Variants in IL15RA observed in about 807,000 individuals in gnomAD.
IL15RA encodes interleukin-15 receptor subunit alpha.
IL15RA carries 26 observed loss-of-function variants against 24.2 expected under a neutral mutation model. The observed-to-expected ratio is 1.07, with a 90% CI of 0.79 to 1.49. IL15RA has a LOEUF of 1.49. Among genes scored for constraint, IL15RA ranks in the 40% most tolerant of loss-of-function variants. The probability of loss-of-function intolerance (pLI) is 0.00; values close to 1 mark genes in which losing one functional copy is unlikely to be tolerated. For missense variants in IL15RA, 354 were observed against 356.4 expected (o/e 0.99, Z 0.05); for synonymous variants, 166 against 157.6 (o/e 1.05, Z -0.40).
chr10:5,963,935 G>A lies in IL15RA; in HGVS notation c.284-94C>T. The stretch of plus-strand genomic sequence containing the variant: ...ATACAAATAAAATATATCAACACAT[G>A]AACTTACAGTGGAGGCCTCTGGCTT... On this transcript the variant is annotated intron_variant, in intron 2 of 6. Coordinates refer to ENST00000379977, the MANE Select transcript of IL15RA (RefSeq NM_002189.4). The surrounding 1 kb of genome is among the most constrained non-coding windows in gnomAD (Gnocchi z 5.3). The A allele has an allele frequency of 1.3e-6, 1 of 747,632 alleles. No homozygotes were observed. Among genetic ancestry groups the A allele is most frequent in the Non-Finnish European group, 2.1e-6 (1 of 466,894 alleles). 46.3% of individuals were successfully genotyped at this position (747,632 alleles called of 1,614,324 possible). A position where few individuals can be genotyped will look rare whatever the true frequency, so the allele number is the denominator to read the frequency against.
At position 5,952,920 on chromosome 10, in the gene IL15RA, G is replaced by A. The variant is rs1589148472; in HGVS notation, c.*175C>T. ...GTGCCCATGGGAATGCGGAGAACCTGCTCCCTCGCGCAGGAGGCGCCGACC... is the reference window on the plus strand; with the variant it reads ...GTGCCCATGGGAATGCGGAGAACCTACTCCCTCGCGCAGGAGGCGCCGACC... On this transcript the variant is annotated 3_prime_UTR_variant, in exon 7 of 7. Coordinates refer to ENST00000379977, the MANE Select transcript of IL15RA (RefSeq NM_002189.4). 2 of 619,708 alleles carry A rather than the reference G, an allele frequency of 3.2e-6. No individual in the cohort carries two copies. Among genetic ancestry groups the A allele is most frequent in the Non-Finnish European group, 5.8e-6 (2 of 346,194 alleles). 38.4% of individuals were successfully genotyped at this position (619,708 alleles called of 1,614,324 possible).
In IL15RA at chr10:5,967,044, AG is replaced by A. The variant is rs1163724049; in HGVS notation, c.89-706del. The stretch of plus-strand genomic sequence containing the variant: ...GATTACAGGTGTGAGCCACCATGCC[AG>A]GCCCTGAATTTCTATTCTAATAGTT... On this transcript the variant is annotated intron_variant, in intron 1 of 6. Coordinates refer to ENST00000379977, the MANE Select transcript of IL15RA (RefSeq NM_002189.4). This position sits in a 1 kb window ranked among gnomAD's most constrained non-coding sequence, Gnocchi z 4.4. 6.7e-6 allele frequency among the ~76,000 whole-genome samples: 1 copy of A among 150,174 alleles called. No homozygotes were observed. The highest frequency in any genetic ancestry group is 1.5e-5 in the Non-Finnish European group (1 of 67,428).
rs1375854911 is a variant in IL15RA, at chr10:5,961,817, A to C, written c.383-1250T>G. ...GAGGCCAAGCGCTGTGGCTCTCTGG[A>C]CGCACTGTTGTTGCCGCGTTCCCAT... On this transcript the variant is annotated intron_variant, in intron 3 of 6. Coordinates refer to ENST00000379977, the MANE Select transcript of IL15RA (RefSeq NM_002189.4). This position sits in a 1 kb window ranked among gnomAD's most constrained non-coding sequence, Gnocchi z 5.2. 6.6e-6 allele frequency among the ~76,000 whole-genome samples: 1 copy of C among 152,194 alleles called. No individual in the cohort carries two copies. Among genetic ancestry groups the C allele is most frequent in the Non-Finnish European group, 1.5e-5 (1 of 68,028 alleles).
Position 5,962,548 on chromosome 10 carries a change from C to T in IL15RA, c.382+1195G>A, listed in dbSNP as rs1458155655. Among the ~76,000 whole-genome samples, 1 of 150,464 alleles carries T rather than the reference C, an allele frequency of 6.6e-6. No individual in the cohort carries two copies. The highest frequency in any genetic ancestry group is 1.5e-5 in the Non-Finnish European group (1 of 67,770). On this transcript the variant is annotated intron_variant, in intron 3 of 6. Coordinates refer to ENST00000379977, the MANE Select transcript of IL15RA (RefSeq NM_002189.4). The surrounding 1 kb of genome is among the most constrained non-coding windows in gnomAD (Gnocchi z 5.2). ...CAGAGGTTGCAGTGAGCCAAGATTT[C>T]ACCTCTGCCCTCCAGACTGGGCAAT...
upstream of IL15RA, chr10:5,977,707 C>A (rs1838684840): frequency 2.5e-6 from 3 of 1,176,518 alleles, no homozygotes; most frequent in Admixed American, 4.2e-5. Flanking sequence ...CGCCGGCCGC[C>A]GCGGCACCGC....
rs906148320 is a variant in IL15RA at position 5,963,106 on chromosome 10, G to A, written c.382+637C>T. Reference sequence around the variant, plus strand: ...CATCTTGCAGACAGAGGAGCTGATGGCCCTTTCTCTGGACCATCCTCTCAA... The same window carrying A: ...CATCTTGCAGACAGAGGAGCTGATGACCCTTTCTCTGGACCATCCTCTCAA... On this transcript the variant is annotated intron_variant, in intron 3 of 6. Transcript: ENST00000379977. This position sits in a 1 kb window ranked among gnomAD's most constrained non-coding sequence, Gnocchi z 5.3. 6.6e-6 allele frequency among the ~76,000 whole-genome samples: 1 copy of A among 152,210 alleles called. No individual in the cohort carries two copies. Among genetic ancestry groups the A allele is most frequent in the African/African-American group, 2.4e-5 (1 of 41,460 alleles).
rs566891770 is a variant in IL15RA at position 5,959,170 on chromosome 10, CTT to C, written c.616+582_616+583del. On this transcript the variant is annotated intron_variant, in intron 5 of 6. Transcript: ENST00000379977. This position sits in a 1 kb window ranked among gnomAD's most constrained non-coding sequence, Gnocchi z 4.1. ...GTTAACTTTTTTTCTTTTTCTTTTT[CTT>C]TTTTTTTTTTTTTAATAGAGATGGG... 8.0e-5 allele frequency among the ~76,000 whole-genome samples: 11 copies of C among 138,184 alleles called. No individual in the cohort carries two copies. The highest frequency in any genetic ancestry group is 7.2e-5 in the Admixed American group (1 of 13,806). The allele number at this position is 138,184 out of a possible 152,430, so 90.7% of individuals were successfully genotyped here.
chr10:5,972,803 A>C (rs1050208759), intron 1 of IL15RA, among the ~76,000 whole-genome samples: 1 of 152,196 alleles, frequency 6.6e-6, no homozygotes, highest in Non-Finnish European at 1.5e-5. Flanking sequence ...GTTGATTTTG[A>C]CAAATCTCAT....
chr10:5,958,296 T>C lies in IL15RA; in HGVS notation c.616+1458A>G, dbSNP rs17320853. 0.17 allele frequency: 76,548 copies of C among 453,194 alleles called. 7,029 individuals carry two copies. Among genetic ancestry groups the C allele is most frequent in the Non-Finnish European group, 0.2 (44,259 of 225,086 alleles). The allele number at this position is 453,194 out of a possible 1,614,324, so 28.1% of individuals were successfully genotyped here. A position where few individuals can be genotyped will look rare whatever the true frequency, so the allele number is the denominator to read the frequency against. ...ATTCCTTATCCTCTATATGTTTATT[T>C]ATACAGTCTCTCTGGAAGGATGCCT... On this transcript the variant is annotated intron_variant, in intron 5 of 6. Transcript: ENST00000379977. The surrounding 1 kb of genome is among the most constrained non-coding windows in gnomAD (Gnocchi z 4.3).
rs2132500843 is a variant in IL15RA at position 5,965,323 on chromosome 10, C to T, written c.283+822G>A. Among the ~76,000 whole-genome samples, 1 of 152,358 alleles carries T rather than the reference C, an allele frequency of 6.6e-6. No individual in the cohort carries two copies. Among genetic ancestry groups the T allele is most frequent in the East Asian group, 1.9e-4 (1 of 5,190 alleles). Reference sequence around the variant, plus strand: ...GGGCAGCCCTGCTCCAGGGCCTGTGCCCATCCCCGGGGCTGGGTACTGAGA... The same window carrying T: ...GGGCAGCCCTGCTCCAGGGCCTGTGTCCATCCCCGGGGCTGGGTACTGAGA... On this transcript the variant is annotated intron_variant, in intron 2 of 6. Coordinates refer to ENST00000379977, the MANE Select transcript of IL15RA (RefSeq NM_002189.4). The surrounding 1 kb of genome is among the most constrained non-coding windows in gnomAD (Gnocchi z 5.8).
In IL15RA at chr10:5,963,708, A is replaced by G; in HGVS notation, c.382+35T>C. ...AGCGGGCCTCTGGGTGTTGGGAGGG[A>G]ATGAATGTCCTCGAGAAGTTTCTGA... On this transcript the variant is annotated intron_variant, in intron 3 of 6. Coordinates refer to ENST00000379977, the MANE Select transcript of IL15RA (RefSeq NM_002189.4). The surrounding 1 kb of genome is among the most constrained non-coding windows in gnomAD (Gnocchi z 5.3). 1 of 1,375,362 alleles carries G rather than the reference A, an allele frequency of 7.3e-7. No individual in the cohort carries two copies. Among genetic ancestry groups the G allele is most frequent in the Non-Finnish European group, 9.8e-7 (1 of 1,022,930 alleles). 85.2% of individuals were successfully genotyped at this position (1,375,362 alleles called of 1,614,324 possible). A position where few individuals can be genotyped will look rare whatever the true frequency, so the allele number is the denominator to read the frequency against.
rs369432930 is a variant in IL15RA at position 5,970,533 on chromosome 10, G to C, written c.89-4194C>G. On this transcript the variant is annotated intron_variant, in intron 1 of 6. Transcript: ENST00000379977. The surrounding 1 kb of genome is among the most constrained non-coding windows in gnomAD (Gnocchi z 4.1). ...TATCAGTGGTTCTTCCATTCTGAAC[G>C]GTCCTCAAACCAAGATAAATCTGTG... Among the ~76,000 whole-genome samples the C allele has an allele frequency of 6.6e-6, 1 of 151,914 alleles. No individual in the cohort carries two copies. The highest frequency in any genetic ancestry group is 1.5e-5 in the Non-Finnish European group (1 of 67,990).
At chr10:5,951,951 C>T (rs375903649), downstream of IL15RA, among the ~76,000 whole-genome samples, 20 of 152,268 alleles carry the variant, frequency 1.3e-4, no homozygotes, top group African/African-American at 3.6e-4. Context: ...TGAGTCACTG[C>T]GCCCAGTGTC....
rs529714452 is a variant in IL15RA at position 5,953,242 on chromosome 10, G to A, written c.693-36C>T. On this transcript the variant is annotated intron_variant, in intron 6 of 6. Transcript: ENST00000379977. The surrounding 1 kb of genome is among the most constrained non-coding windows in gnomAD (Gnocchi z 5.3). ...GGTGGTTCATAGGTTTTGAAAAGAG[G>A]AGGGGGTTGCCCTCAAATCAACAGA... is the stretch of plus-strand genomic sequence containing the variant. The A allele has an allele frequency of 2.2e-4, 332 of 1,493,500 alleles. 5 individuals carry two copies. In the South Asian group the frequency reaches 3.5e-3, roughly 16 times the overall value. 92.5% of individuals were successfully genotyped at this position (1,493,500 alleles called of 1,614,324 possible).
chr10:5,969,051 A>G, intron 1 of IL15RA: 2 of 1,290,024 alleles, frequency 1.6e-6, no homozygotes, highest in Non-Finnish European at 2.1e-6. Flanking sequence ...TGGCTGACTC[A>G]CCAATCGATT....
chr10:5,971,048 C>T lies in IL15RA; in HGVS notation c.89-4709G>A, dbSNP rs2095198550. Among the ~76,000 whole-genome samples the T allele has an allele frequency of 6.6e-6, 1 of 152,136 alleles. No individual in the cohort carries two copies. Among genetic ancestry groups the T allele is most frequent in the South Asian group, 2.1e-4 (1 of 4,826 alleles). ...GAAGCAATAACTTCATTTCCACATG[C>T]CTTAATCACATCTTTAGATACTTGA... On this transcript the variant is annotated intron_variant, in intron 1 of 6. Coordinates refer to ENST00000379977, the MANE Select transcript of IL15RA (RefSeq NM_002189.4). This position sits in a 1 kb window ranked among gnomAD's most constrained non-coding sequence, Gnocchi z 5.5.
rs8177651 is a variant in IL15RA at position 5,973,427 on chromosome 10, T to A, written c.88+3978A>T. ...TTTCAAATGACTTTTTAAAGTTTTTTAATTTCTAATTGTTCATTGTGAATG... is the reference window on the plus strand; with the variant it reads ...TTTCAAATGACTTTTTAAAGTTTTTAAATTTCTAATTGTTCATTGTGAATG... On this transcript the variant is annotated intron_variant, in intron 1 of 6. Coordinates refer to ENST00000379977, the MANE Select transcript of IL15RA (RefSeq NM_002189.4). The surrounding 1 kb of genome is among the most constrained non-coding windows in gnomAD (Gnocchi z 4.5). 0.31 allele frequency among the ~76,000 whole-genome samples: 46,700 copies of A among 151,856 alleles called. 7,345 individuals carry two copies. Among genetic ancestry groups the A allele is most frequent in the South Asian group, 0.4 (1,906 of 4,812 alleles).
chr10:5,961,308 G>A lies in IL15RA; in HGVS notation c.383-741C>T, dbSNP rs1317926935. Reference sequence around the variant, plus strand: ...AGTTCCAGCTATCTGAGAGGCTGAGGCAAGAGAATCACCTTAGCCTAGGAG... The same window carrying A: ...AGTTCCAGCTATCTGAGAGGCTGAGACAAGAGAATCACCTTAGCCTAGGAG... On this transcript the variant is annotated intron_variant, in intron 3 of 6. Transcript: ENST00000379977. The surrounding 1 kb of genome is among the most constrained non-coding windows in gnomAD (Gnocchi z 5.2). Among the ~76,000 whole-genome samples the A allele has an allele frequency of 2.0e-5, 3 of 152,168 alleles. No individual in the cohort carries two copies. The South Asian group carries it at 6.2e-4, about 31-fold the overall frequency.
At chr10:5,974,692 C>T (rs1466193212) in intron 1 of IL15RA, among the ~76,000 whole-genome samples, 1 of 152,024 alleles carries the variant, frequency 6.6e-6, no homozygotes, top group Admixed American at 6.5e-5. Context: ...GCCTGGCCAA[C>T]ATGGTGAAAC....
Sources: gnomAD v4.1 joint callset for allele counts (sites outside exome capture counted in the v4.1 genomes callset) on GRCh38, gnomAD v4.1.1 for gene constraint, Gnocchi (gnomAD v3.1) non-coding constraint, MANE v1.5 for transcripts, NCBI Gene and HGNC (gene_info 2026-07-23, HGNC 2026-07-21) for gene names.